The following ZNF438 variants were observed in gnomAD, a reference collection of about 807,000 sequenced individuals.
The protein encoded by ZNF438 is zinc finger protein 438.
ZNF438 carries 25 observed loss-of-function variants against 38.0 expected under a neutral mutation model. The observed-to-expected ratio is 0.66, with a 90% confidence interval of 0.48 to 0.92. The LOEUF is 0.92. Among genes scored for constraint, ZNF438 ranks in the 40% least tolerant of loss-of-function variants. ZNF438 has a pLI of 0.00. For missense variants in ZNF438, 1,007 were observed against 999.6 expected, an observed-to-expected ratio of 1.01 and a Z score of -0.10; for synonymous variants, 372 against 364.1, an observed-to-expected ratio of 1.02 and a Z score of -0.25.
At position 30,884,556 on chromosome 10, in the gene ZNF438, C is replaced by T. The variant is rs190335385; in HGVS notation, c.-31-7491G>A. ...AAAACCTCTGAAAATTATAACCTGA[C>T]TTTTCTTAAATTGCTGAAAAGTATA... On this transcript the variant is annotated intron_variant, in intron 3 of 5. Coordinates refer to ENST00000413025, the Ensembl canonical transcript of ZNF438. Among the ~76,000 whole-genome samples, 357 of 152,242 alleles carry T rather than the reference C, an allele frequency of 2.3e-3. 1 individual carries two copies. The highest frequency in any genetic ancestry group is 8.0e-3 in the African/African-American group (334 of 41,552).
At chr10:31,002,109 T>C (rs1464589158) in intron 1 of ZNF438, among the ~76,000 whole-genome samples, 1 of 152,194 alleles carries the variant, frequency 6.6e-6, no homozygotes, top group African/African-American at 2.4e-5. Context: ...AAGAAACACA[T>C]AAGACTGAAT....
intron 3 of ZNF438, among the ~76,000 whole-genome samples, chr10:30,901,426 CCTT>C (rs1237478937): frequency 4.6e-5 from 7 of 151,086 alleles, no homozygotes. Flanking sequence ...GGAGTTTGTT[CCTT>C]CTGATGTTCC....
At chr10:30,880,379 C>T (rs1588969704) in intron 3 of ZNF438, among the ~76,000 whole-genome samples, 1 of 143,630 alleles carries the variant, frequency 7.0e-6, no homozygotes. Flanking sequence ...TGCAGTGAGC[C>T]GAGATTGTGC....
At chr10:30,871,681 A>G (rs2037437399) in intron 4 of ZNF438, among the ~76,000 whole-genome samples, 1 of 152,226 alleles carries the variant, frequency 6.6e-6, no homozygotes, top group African/African-American at 2.4e-5. Context: ...CAAGACATAG[A>G]ATACATTTTT....
At chr10:30,851,680 A>G (rs961003117) in intron 4 of ZNF438, among the ~76,000 whole-genome samples, 2 of 152,232 alleles carry the variant, frequency 1.3e-5, no homozygotes, top group Admixed American at 1.3e-4. Context: ...AGTTGGACAA[A>G]TGAAGATTTT....
exon 5 of ZNF438, chr10:30,849,177 C>A (rs1450618254): frequency 3.1e-6 from 5 of 1,613,966 alleles, no homozygotes; most frequent in Non-Finnish European, 4.2e-6. Context: ...TCTTTACCAT[C>A]TCTACACTTA....
At chr10:30,944,103 G>A (rs2994634) in intron 1 of ZNF438, among the ~76,000 whole-genome samples, 19,310 of 152,018 alleles carry the variant, frequency 0.13, 1,611 homozygotes, top group Middle Eastern at 0.24. Flanking sequence ...TAAGAGTAGG[G>A]CGTCACCTAA....
chr10:31,030,989 G>A (rs1004253440), intron 1 of ZNF438, among the ~76,000 whole-genome samples: 1 of 152,208 alleles, frequency 6.6e-6, no homozygotes, highest in African/African-American at 2.4e-5. Flanking sequence ...GACAACGGGG[G>A]CATTGTAATT....
intron 2 of ZNF438, among the ~76,000 whole-genome samples, chr10:30,910,981 C>T (rs1185129061): frequency 6.6e-6 from 1 of 151,938 alleles, no homozygotes; most frequent in Non-Finnish European, 1.5e-5. Flanking sequence ...ATTTTCATAA[C>T]TTAAAACATA....
At chr10:30,871,506 T>C (rs191983740) in intron 4 of ZNF438, among the ~76,000 whole-genome samples, 157 of 152,324 alleles carry the variant, frequency 1.0e-3, no homozygotes, top group African/African-American at 3.4e-3. Flanking sequence ...AAAGACCTAA[T>C]TGATACTAAG....
intron 2 of ZNF438, among the ~76,000 whole-genome samples, chr10:30,926,815 G>A (rs1455758660): frequency 1.3e-5 from 2 of 152,092 alleles, no homozygotes; most frequent in East Asian, 3.9e-4. Flanking sequence ...AGAGCTGACT[G>A]CTTCTGGAAT....
chr10:31,023,788 T>C (rs1415950315), intron 1 of ZNF438, among the ~76,000 whole-genome samples: 5 of 152,232 alleles, frequency 3.3e-5, no homozygotes, highest in African/African-American at 1.2e-4. Context: ...CTGCCCCGCT[T>C]CAGTACCTTT....
intron 3 of ZNF438, among the ~76,000 whole-genome samples, chr10:30,881,524 T>C (rs183697589): frequency 5.3e-5 from 8 of 152,212 alleles, no homozygotes; most frequent in South Asian, 2.1e-4. Context: ...CATTCAAAGG[T>C]TGGAAGACTC....
intron 4 of ZNF438, among the ~76,000 whole-genome samples, chr10:30,866,202 CTGCATAT>C (rs1215148601): frequency 6.6e-6 from 1 of 152,132 alleles, no homozygotes. Context: ...TACATGTCTG[CTGCATAT>C]GGAAATAGGA....
At chr10:30,974,761 G>C (rs1469388208) in intron 1 of ZNF438, among the ~76,000 whole-genome samples, 1 of 152,136 alleles carries the variant, frequency 6.6e-6, no homozygotes, top group African/African-American at 2.4e-5. Context: ...CTGGTCCTCT[G>C]GTCAGACACA....
chr10:30,880,689 A>T (rs543426102), intron 3 of ZNF438, among the ~76,000 whole-genome samples: 1 of 152,276 alleles, frequency 6.6e-6, no homozygotes, highest in Non-Finnish European at 1.5e-5. Context: ...ACAAATCCAG[A>T]CATAGAAAAG....
At chr10:30,994,474 A>C (rs2053843752) in intron 1 of ZNF438, among the ~76,000 whole-genome samples, 2 of 152,190 alleles carry the variant, frequency 1.3e-5, no homozygotes, top group African/African-American at 4.8e-5. Flanking sequence ...GCATCTGTTT[A>C]TAAAATCCAG....
chr10:30,950,697 G>A (rs548531618), intron 1 of ZNF438, among the ~76,000 whole-genome samples: 11,108 of 142,594 alleles, frequency 0.078, 526 homozygotes, highest in Non-Finnish European at 0.11. Context: ...GACTAAACCA[G>A]GAAGAAGTTG....
intron 1 of ZNF438, among the ~76,000 whole-genome samples, chr10:30,942,299 A>AT (rs2046900118): frequency 1.3e-5 from 2 of 152,228 alleles, no homozygotes; most frequent in Non-Finnish European, 2.9e-5. Flanking sequence ...TTATACATAA[A>AT]GAGGCACCAA....
Sources: gnomAD v4.1 joint callset for allele counts (sites outside exome capture counted in the v4.1 genomes callset) on GRCh38, gnomAD v4.1.1 for gene constraint, MANE v1.5 for transcripts, NCBI Gene and HGNC (gene_info 2026-07-23, HGNC 2026-07-21) for gene names.